SNAP29: variants seen among roughly 807,000 people sequenced by gnomAD.
The protein encoded by SNAP29 is synaptosomal-associated protein 29.
Under a neutral mutation model 27.9 loss-of-function variants are expected in SNAP29, and 13 were observed. The observed-to-expected ratio is 0.47, with a 90% CI of 0.30 to 0.74. The LOEUF (loss-of-function observed/expected upper bound fraction) is 0.74, where lower values mean the gene tolerates loss of function less well. Among genes scored for constraint, SNAP29 ranks in the 30% least tolerant of loss-of-function variants. The pLI is 0.06. For missense variants in SNAP29, 368 were observed against 336.5 expected (o/e 1.09, Z -0.73); for synonymous variants, 119 against 127.1 (o/e 0.94, Z 0.43).
intron 2 of SNAP29, among the ~76,000 whole-genome samples, chr22:20,875,747 G>A (rs1928724941): frequency 6.6e-6 from 1 of 152,106 alleles, no homozygotes; most frequent in African/African-American, 2.4e-5. Context: ...TTGGGGCCAG[G>A]AGTTGAAGAT....
chr22:20,875,463 A>C (rs532937422), intron 2 of SNAP29, among the ~76,000 whole-genome samples: 1 of 152,344 alleles, frequency 6.6e-6, no homozygotes, highest in African/African-American at 2.4e-5. Context: ...GGAGGCAGAC[A>C]GTCCACAGGG....
At chr22:20,879,954 A>C (rs994342310) in intron 2 of SNAP29, among the ~76,000 whole-genome samples, 1 of 151,622 alleles carries the variant, frequency 6.6e-6, no homozygotes, top group African/African-American at 2.4e-5. Context: ...TAGGAGTTAG[A>C]GACTTCAGTG....
chr22:20,871,881 C>CAA (rs202046422), intron 2 of SNAP29, among the ~76,000 whole-genome samples: 1 of 138,918 alleles, frequency 7.2e-6, no homozygotes. Flanking sequence ...GACTCCGTCT[C>CAA]AAAAAAAAAA....
intron 2 of SNAP29, among the ~76,000 whole-genome samples, chr22:20,877,712 T>C (rs1473978375): frequency 6.6e-6 from 1 of 152,100 alleles, no homozygotes; most frequent in Non-Finnish European, 1.5e-5. Flanking sequence ...CTAGACTCCG[T>C]CTCAAAAAAA....
At chr22:20,866,183 C>T (rs899264143) in intron 1 of SNAP29, among the ~76,000 whole-genome samples, 3 of 152,238 alleles carry the variant, frequency 2.0e-5, no homozygotes, top group Non-Finnish European at 2.9e-5. Flanking sequence ...TTGGCCTGCA[C>T]ACAGACGGCG....
At chr22:20,872,680 G>A (rs1334874056) in intron 2 of SNAP29, among the ~76,000 whole-genome samples, 2 of 151,946 alleles carry the variant, frequency 1.3e-5, no homozygotes, top group African/African-American at 4.8e-5. Context: ...GATTACAGGC[G>A]TGAGCCACCA....
intron 4 of SNAP29, among the ~76,000 whole-genome samples, chr22:20,884,463 C>T (rs888285641): frequency 1.3e-5 from 2 of 152,140 alleles, no homozygotes; most frequent in Non-Finnish European, 2.9e-5. Flanking sequence ...CCTGCAGGCT[C>T]GTGTGGGATT....
chr22:20,871,860 C>T (rs968993488), intron 2 of SNAP29, among the ~76,000 whole-genome samples: 29 of 151,084 alleles, frequency 1.9e-4, no homozygotes, highest in Non-Finnish European at 2.1e-4. Flanking sequence ...GCAGCCTGGG[C>T]GACAGAGCAA....
At chr22:20,861,845 G>A (rs1033605567) in intron 1 of SNAP29, among the ~76,000 whole-genome samples, 2 of 152,052 alleles carry the variant, frequency 1.3e-5, no homozygotes, top group African/African-American at 2.4e-5. Flanking sequence ...GTGTTGGTCC[G>A]GCTGGTCTTG....
intron 3 of SNAP29, 54 bp from the exon 4 acceptor site, chr22:20,883,417 G>A: frequency 8.7e-7 from 1 of 1,144,324 alleles, no homozygotes; most frequent in Non-Finnish European, 1.3e-6. Flanking sequence ...GTGTGAAGCA[G>A]CATTTGAAGG....
intron 2 of SNAP29, among the ~76,000 whole-genome samples, chr22:20,877,613 G>A (rs1198641167): frequency 6.6e-6 from 1 of 152,122 alleles, no homozygotes; most frequent in Admixed American, 6.6e-5. Flanking sequence ...CTACTCAGGA[G>A]GCTGAAGCAG....
rs199730302 is a variant in SNAP29, at chr22:20,870,358, G to A, written c.259G>A (p.Val87Ile). 7 of 1,614,102 alleles carry A rather than the reference G, an allele frequency of 4.3e-6. No homozygotes were observed. In the East Asian group the frequency reaches 6.7e-5, roughly 15 times the overall value. The change falls in exon 2 of 5, where the codon GTC becomes ATC. Residue 87 changes from valine (V) to isoleucine (I), a missense_variant. Physicochemically the swap from Val to Ile is conservative, Grantham distance 29. Coordinates refer to ENST00000215730, the MANE Select transcript of SNAP29 (RefSeq NM_004782.4). Reference protein sequence around the residue: ...SSEELARQRGVLERTEKMVDK... With the variant: ...SSEELARQRGILERTEKMVDK... ...CCAGGAGCTCGCCCGTCAGCGAGGA[G>A]TCCTGGAGCGCACAGAGAAGATGGT...
Position 20,890,494 on chromosome 22 carries a change from A to AT in SNAP29, c.*2659dup. On this transcript the variant is annotated 3_prime_UTR_variant, in exon 5 of 5. Coordinates refer to ENST00000215730, the MANE Select transcript of SNAP29 (RefSeq NM_004782.4). The stretch of plus-strand genomic sequence containing the variant: ...AAATAGTGGCTGGGCGCGGTGGCTC[A>AT]TGCCTGTAATCCCAGTGCTTTGGGA... The AT allele has an allele frequency of 2.5e-6, 1 of 392,450 alleles. No individual in the cohort carries two copies. The highest frequency in any genetic ancestry group is 3.6e-5 in the East Asian group (1 of 27,742). The allele number at this position is 392,450 out of a possible 1,614,324, so 24.3% of individuals were successfully genotyped here.
intron 1 of SNAP29, chr22:20,859,654 C>T: frequency 2.2e-6 from 1 of 448,710 alleles, no homozygotes; most frequent in South Asian, 2.6e-5. Flanking sequence ...AGTAAAAATT[C>T]TGAACAGCAG....
At chr22:20,885,372 G>A (rs565532966) in intron 4 of SNAP29, among the ~76,000 whole-genome samples, 3 of 152,190 alleles carry the variant, frequency 2.0e-5, no homozygotes, top group South Asian at 2.1e-4. Context: ...GTCTGTGCAC[G>A]GGTTTTCTCC....
chr22:20,871,585 C>T, intron 2 of SNAP29, among the ~76,000 whole-genome samples: 1 of 148,578 alleles, frequency 6.7e-6, no homozygotes, highest in Admixed American at 6.7e-5. Flanking sequence ...AATATAAAAT[C>T]ATACATGAGA....
intron 1 of SNAP29, among the ~76,000 whole-genome samples, chr22:20,865,831 T>C (rs1200450484): frequency 2.6e-5 from 4 of 152,226 alleles, no homozygotes; most frequent in African/African-American, 7.2e-5. Flanking sequence ...CTCCAAGCAG[T>C]GCGTGACAAC....
chr22:20,879,930 G>A (rs1197629119), intron 2 of SNAP29, among the ~76,000 whole-genome samples: 1 of 151,530 alleles, frequency 6.6e-6, no homozygotes, highest in East Asian at 1.9e-4. Context: ...GCTGAGGTGG[G>A]AGGATCACGA....
chr22:20,868,814 C>T (rs933288256), intron 1 of SNAP29, among the ~76,000 whole-genome samples: 2 of 152,072 alleles, frequency 1.3e-5, no homozygotes, highest in African/African-American at 4.8e-5. Flanking sequence ...GCAAGTTTGT[C>T]GTAAATAAAG....
Sources: gnomAD v4.1 joint callset for allele counts (sites outside exome capture counted in the v4.1 genomes callset) on GRCh38, gnomAD v4.1.1 for gene constraint, MANE v1.5 for transcripts, NCBI Gene and HGNC (gene_info 2026-07-23, HGNC 2026-07-21) for gene names.